CACNA2D1: variants seen among roughly 807,000 people sequenced by gnomAD.
The protein encoded by CACNA2D1 is calcium voltage-gated channel auxiliary subunit alpha2delta 1, also known as voltage-dependent calcium channel subunit alpha-2/delta-1.
Under a neutral mutation model 171.5 loss-of-function variants are expected in CACNA2D1, and 53 were observed. The observed-to-expected ratio is 0.31, with a 90% confidence interval of 0.25 to 0.39. The LOEUF (loss-of-function observed/expected upper bound fraction) is 0.39. CACNA2D1 is among the 10% of genes least tolerant of loss of function. The probability of loss-of-function intolerance (pLI) is 1.00; values close to 1 mark genes in which losing one functional copy is unlikely to be tolerated. For synonymous variants in CACNA2D1, 442 were observed against 443.1 expected (o/e 1.00, Z 0.03); for missense variants, 903 against 1,299.8 (o/e 0.69, Z 4.69).
At chr7:82,017,376 A>G (rs1462860736) in intron 12 of CACNA2D1, among the ~76,000 whole-genome samples, 1 of 152,150 alleles carries the variant, frequency 6.6e-6, no homozygotes, top group African/African-American at 2.4e-5. Flanking sequence ...TTACATAAGA[A>G]TTTTAACTTC....
intron 38 of CACNA2D1, among the ~76,000 whole-genome samples, chr7:81,953,667 A>G (rs1291047227): frequency 1.3e-5 from 2 of 152,258 alleles, no homozygotes; most frequent in South Asian, 2.1e-4. Context: ...AGCAGCACAC[A>G]TGGACTGGTT....
chr7:82,014,158 T>A (rs1395477755), intron 13 of CACNA2D1, among the ~76,000 whole-genome samples: 3 of 152,152 alleles, frequency 2.0e-5, no homozygotes, highest in Admixed American at 6.6e-5. Context: ...TTCAGTATAA[T>A]TCAGTGTAAT....
At chr7:81,984,832 T>C in intron 21 of CACNA2D1, 121 bp from the exon 22 acceptor site, 1 of 682,298 alleles carries the variant, frequency 1.5e-6, no homozygotes, top group Non-Finnish European at 2.7e-6. Context: ...GGAAAAGACA[T>C]ATTACTTTGA....
In CACNA2D1 at chr7:81,949,437, C is replaced by G. The variant is rs1036942679; in HGVS notation, c.*955G>C. ...TATCACTCAGTTAACTTTTCAATGA[C>G]TACACTCTACAGTAAGAGAAAAAAC... On this transcript the variant is annotated 3_prime_UTR_variant, in exon 39 of 39. Coordinates refer to ENST00000356860, the MANE Select transcript of CACNA2D1 (RefSeq NM_000722.4). 1 of 152,034 alleles carries G rather than the reference C, an allele frequency of 6.6e-6. No homozygotes were observed. Among genetic ancestry groups the G allele is most frequent in the African/African-American group, 2.4e-5 (1 of 41,420 alleles). The allele number at this position is 152,034 out of a possible 1,614,324, so 9.4% of individuals were successfully genotyped here. A position where few individuals can be genotyped will look rare whatever the true frequency, so the allele number is the denominator to read the frequency against.
rs139222130 is a variant in CACNA2D1, at chr7:82,108,736, G to A, written c.526+8308C>T. 2.5e-4 allele frequency among the ~76,000 whole-genome samples: 38 copies of A among 152,198 alleles called. No homozygotes were observed. In the East Asian group the frequency reaches 7.3e-3, roughly 29 times the overall value. On this transcript the variant is annotated intron_variant, in intron 6 of 38. Transcript: ENST00000356860. ...ATGAATATGCATGTATTACATAAATGTTATTTTAAAAAGATAGTGAAAGTA... is the reference window on the plus strand; with the variant it reads ...ATGAATATGCATGTATTACATAAATATTATTTTAAAAAGATAGTGAAAGTA...
intron 4 of CACNA2D1, among the ~76,000 whole-genome samples, chr7:82,160,484 T>C (rs1266187040): frequency 1.3e-5 from 2 of 152,066 alleles, no homozygotes; most frequent in Non-Finnish European, 2.9e-5. Flanking sequence ...AGACAAACCT[T>C]AATGTAAAAG....
chr7:82,391,132 G>A (rs1199216048), intron 1 of CACNA2D1, among the ~76,000 whole-genome samples: 10 of 152,082 alleles, frequency 6.6e-5, no homozygotes, highest in Admixed American at 6.5e-4. Context: ...TGTTTGTACT[G>A]TACTTGTCAA....
intron 1 of CACNA2D1, among the ~76,000 whole-genome samples, chr7:82,427,991 C>T (rs754793232): frequency 6.6e-6 from 1 of 151,860 alleles, no homozygotes; most frequent in Non-Finnish European, 1.5e-5. Context: ...GAGTTTGAGA[C>T]GAGCCTGGCC....
chr7:82,172,604 C>T (rs991750673), intron 3 of CACNA2D1, among the ~76,000 whole-genome samples: 2 of 135,394 alleles, frequency 1.5e-5, no homozygotes, highest in African/African-American at 2.8e-5. Flanking sequence ...AGGTTTGCAT[C>T]AAGAAACCCG....
intron 5 of CACNA2D1, among the ~76,000 whole-genome samples, chr7:82,133,221 G>A (rs1024870906): frequency 3.9e-5 from 6 of 152,022 alleles, no homozygotes; most frequent in African/African-American, 1.4e-4. Flanking sequence ...TCAGACTTGT[G>A]TAAAATAATA....
intron 1 of CACNA2D1, among the ~76,000 whole-genome samples, chr7:82,362,920 T>G (rs2129447394): frequency 6.6e-6 from 1 of 152,274 alleles, no homozygotes; most frequent in South Asian, 2.1e-4. Context: ...GGGCATTCAT[T>G]ACCCTACTAA....
In CACNA2D1 at chr7:81,983,221, G is replaced by C. The variant is rs1457234061; in HGVS notation, c.1894+93C>G. 10 of 1,072,526 alleles carry C rather than the reference G, an allele frequency of 9.3e-6. No homozygotes were observed. The Admixed American group carries it at 1.9e-4, about 20-fold the overall frequency. The allele number at this position is 1,072,526 out of a possible 1,614,324, so 66.4% of individuals were successfully genotyped here. On this transcript the variant is annotated intron_variant, in intron 23 of 38. Coordinates refer to ENST00000356860, the MANE Select transcript of CACNA2D1 (RefSeq NM_000722.4). ...TGAAGGAAAATTTAGCAAATGAGAAGCACAGAGGATAATATCCAATAGGAA... is the reference window on the plus strand; with the variant it reads ...TGAAGGAAAATTTAGCAAATGAGAACCACAGAGGATAATATCCAATAGGAA...
At chr7:82,328,442 A>G (rs186263340) in intron 3 of CACNA2D1, among the ~76,000 whole-genome samples, 12 of 152,250 alleles carry the variant, frequency 7.9e-5, no homozygotes, top group South Asian at 6.2e-4. Context: ...TTACTTACCC[A>G]TAATAGACTC....
intron 3 of CACNA2D1, among the ~76,000 whole-genome samples, chr7:82,244,243 G>A (rs1218369984): frequency 6.6e-6 from 1 of 152,000 alleles, no homozygotes; most frequent in African/African-American, 2.4e-5. Context: ...CATTTATTAG[G>A]ATTTTAATCA....
chr7:82,070,082 G>A (rs1808139271), intron 7 of CACNA2D1, among the ~76,000 whole-genome samples: 1 of 152,048 alleles, frequency 6.6e-6, no homozygotes, highest in African/African-American at 2.4e-5. Context: ...AATGTGTACT[G>A]CATAGCTCAC....
At chr7:82,237,973 GT>G (rs1803808502) in intron 3 of CACNA2D1, among the ~76,000 whole-genome samples, 1 of 151,192 alleles carries the variant, frequency 6.6e-6, no homozygotes, top group South Asian at 2.1e-4. Context: ...GTTGCTTATA[GT>G]TACACAATAT....
Position 82,144,815 on chromosome 7 carries a change from ACT to A in CACNA2D1, c.355-8141_355-8140del, listed in dbSNP as rs1312944051. On this transcript the variant is annotated intron_variant, in intron 4 of 38. Transcript: ENST00000356860. ...TAGTTGCATAATAAAAAATCAAATAACTCTACATTTTGATTGCATGCTTGAAT... is the reference window on the plus strand; with the variant it reads ...TAGTTGCATAATAAAAAATCAAATAACTACATTTTGATTGCATGCTTGAAT... 6.6e-5 allele frequency among the ~76,000 whole-genome samples: 10 copies of A among 151,942 alleles called. No individual in the cohort carries two copies. The South Asian group carries it at 1.9e-3, about 28-fold the overall frequency.
intron 6 of CACNA2D1, among the ~76,000 whole-genome samples, chr7:82,100,447 T>G (rs531455488): frequency 3.9e-5 from 6 of 152,290 alleles, no homozygotes; most frequent in African/African-American, 7.2e-5. Flanking sequence ...CATAAAGATG[T>G]GTTCATTAAG....
intron 3 of CACNA2D1, among the ~76,000 whole-genome samples, chr7:82,280,494 T>C (rs533598155): frequency 1.3e-5 from 2 of 152,188 alleles, no homozygotes; most frequent in Non-Finnish European, 2.9e-5. Context: ...CACAGGCCTG[T>C]CTTCCTACTC....
Sources: allele counts gnomAD v4.1 joint callset (sites outside exome capture counted in the v4.1 genomes callset), GRCh38; gene constraint gnomAD v4.1.1; transcripts MANE v1.5; gene names NCBI Gene and HGNC (gene_info 2026-07-23, HGNC 2026-07-21).